ZSCAN5A: variants seen among roughly 807,000 people sequenced by gnomAD.
The protein encoded by ZSCAN5A is zinc finger and SCAN domain-containing protein 5A.
In ZSCAN5A, 12 loss-of-function variants were observed where a neutral mutation model predicts 23.7. The ratio of observed to expected loss-of-function variants is 0.51; its 90% CI spans 0.32 to 0.82. The LOEUF (loss-of-function observed/expected upper bound fraction) is 0.82, where lower values mean the gene tolerates loss of function less well. Ranked by LOEUF, ZSCAN5A falls within the 40% of genes least tolerant of loss-of-function variation. ZSCAN5A has a pLI of 0.03. For missense variants in ZSCAN5A, 597 were observed against 617.9 expected (o/e 0.97, Z 0.36); for synonymous variants, 257 against 239.9 (o/e 1.07, Z -0.66).
intron 2 of ZSCAN5A, among the ~76,000 whole-genome samples, chr19:56,285,441 T>A (rs531919702): frequency 6.6e-6 from 1 of 152,352 alleles, no homozygotes; most frequent in East Asian, 1.9e-4. Flanking sequence ...AAGTACTATG[T>A]GTTTTAGTGA....
rs370317948 is a variant in ZSCAN5A, at chr19:56,243,077, C to A, written c.-127-17904G>T. Among the ~76,000 whole-genome samples the A allele has an allele frequency of 1.8e-4, 28 of 152,212 alleles. No individual in the cohort carries two copies. In the East Asian group the frequency reaches 2.5e-3, roughly 14 times the overall value. On this transcript the variant is annotated intron_variant, in intron 2 of 5. Coordinates refer to ENST00000683990, the MANE Select transcript of ZSCAN5A (RefSeq NM_001322064.3). The stretch of plus-strand genomic sequence containing the variant: ...TACAGGCATGAGCCACCACACCTGG[C>A]CTCAAAAAATCTATCGTATTATTTC...
chr19:56,298,920 A>G (rs990548964), intron 2 of ZSCAN5A, among the ~76,000 whole-genome samples: 4 of 152,368 alleles, frequency 2.6e-5, no homozygotes, highest in East Asian at 1.9e-4. Flanking sequence ...CCTCATAAAT[A>G]TAGATGGAAA....
At chr19:56,259,721 C>T (rs1386611088) in intron 2 of ZSCAN5A, among the ~76,000 whole-genome samples, 1 of 152,240 alleles carries the variant, frequency 6.6e-6, no homozygotes, top group African/African-American at 2.4e-5. Context: ...CGCCTGTCAT[C>T]CCAGCACTTT....
rs566162679 is a variant in ZSCAN5A, at chr19:56,313,310, A to T, written c.-155T>A. ...TTTCACGTGGCTGGGGAGGCCTCAC[A>T]ATCATGGCAGAAGGTCAAAGGCACG... On this transcript the variant is annotated 5_prime_UTR_variant, in exon 2 of 6. Coordinates refer to ENST00000683990, the MANE Select transcript of ZSCAN5A (RefSeq NM_001322064.3). The T allele has an allele frequency of 2.9e-6, 1 of 342,568 alleles. No individual in the cohort carries two copies. Among genetic ancestry groups the T allele is most frequent in the African/African-American group, 2.2e-5 (1 of 45,230 alleles). 21.2% of individuals were successfully genotyped at this position (342,568 alleles called of 1,614,324 possible).
chr19:56,356,831 A>G lies in ZSCAN5A; in HGVS notation c.-358+6404T>C, dbSNP rs1485438004. Among the ~76,000 whole-genome samples the G allele has an allele frequency of 2.0e-5, 3 of 148,334 alleles. 1 individual carries two copies. The highest frequency in any genetic ancestry group is 3.0e-5 in the Non-Finnish European group (2 of 67,194). ...ATCAGGAAAGAAAATGTTGTCTTTT[A>G]TATATACTCCTTTACTGCTTCTCAG... On this transcript the variant is annotated intron_variant, in intron 2 of 6. Coordinates refer to the ZSCAN5A transcript ENST00000587340.
At chr19:56,342,960 T>G in intron 2 of ZSCAN5A, 1 of 962,906 alleles carries the variant, frequency 1.0e-6, no homozygotes, top group Admixed American at 1.7e-5. Flanking sequence ...TTCTTGCCCA[T>G]TTTCAAAAAT....
At chr19:56,360,898 T>C (rs2869165) in intron 2 of ZSCAN5A, among the ~76,000 whole-genome samples, 75,206 of 151,928 alleles carry the variant, frequency 0.5, 21,526 homozygotes, top group East Asian at 0.8. Flanking sequence ...TCAGAGTGAA[T>C]AAGCAACCTA....
At chr19:56,246,713 T>C (rs1303473393) in intron 2 of ZSCAN5A, 5 of 1,163,156 alleles carry the variant, frequency 4.3e-6, no homozygotes, top group East Asian at 2.3e-5. Flanking sequence ...CTGTTGTGTG[T>C]GGAATCCCTT....
In ZSCAN5A at chr19:56,253,056, C is replaced by A. The variant is rs188738254; in HGVS notation, c.-127-27883G>T. Among the ~76,000 whole-genome samples the A allele has an allele frequency of 1.6e-3, 239 of 152,308 alleles. 1 individual carries two copies. The highest frequency in any genetic ancestry group is 2.6e-3 in the Non-Finnish European group (177 of 68,016). ...AGTTGCCAGGACAGCTCCGTGATTG[C>A]AGGGCCGGCACTGAACCTGTGGACT... On this transcript the variant is annotated intron_variant, in intron 2 of 5. Coordinates refer to ENST00000683990, the MANE Select transcript of ZSCAN5A (RefSeq NM_001322064.3).
At chr19:56,335,212 CCTTTCTGAA>C (rs2041523715) in intron 2 of ZSCAN5A, among the ~76,000 whole-genome samples, 1 of 150,474 alleles carries the variant, frequency 6.6e-6, no homozygotes, top group African/African-American at 2.5e-5. Context: ...TTGAAGACTG[CCTTTCTGAA>C]ATAAGATAGG....
At chr19:56,251,026 T>G (rs2053085) in intron 2 of ZSCAN5A, among the ~76,000 whole-genome samples, 21,182 of 152,028 alleles carry the variant, frequency 0.14, 1,795 homozygotes, top group Admixed American at 0.2. Context: ...GGCATGCACC[T>G]GTAGTCCCAG....
chr19:56,304,289 A>G (rs1256990101), intron 2 of ZSCAN5A, among the ~76,000 whole-genome samples: 3 of 152,222 alleles, frequency 2.0e-5, no homozygotes, highest in African/African-American at 7.2e-5. Context: ...TGGAGAGACC[A>G]GGGAGATGAG....
At chr19:56,367,602 C>G (rs1401145137) in intron 1 of ZSCAN5A, among the ~76,000 whole-genome samples, 1 of 152,234 alleles carries the variant, frequency 6.6e-6, no homozygotes, top group Non-Finnish European at 1.5e-5. Flanking sequence ...AAATAATGCA[C>G]TGAAGCACAG....
intron 2 of ZSCAN5A, among the ~76,000 whole-genome samples, chr19:56,234,737 A>C (rs1220580885): frequency 6.6e-6 from 1 of 152,196 alleles, no homozygotes; most frequent in African/African-American, 2.4e-5. Context: ...TTGCTTGCTC[A>C]AATCAATCAC....
chr19:56,315,331 C>G (rs185384482), upstream of ZSCAN5A: 4 of 152,432 alleles, frequency 2.6e-5, no homozygotes, highest in Admixed American at 2.6e-4. Flanking sequence ...ATTCCCGAGC[C>G]TGGGTCACCC....
chr19:56,331,920 A>G (rs368837521), intron 2 of ZSCAN5A, among the ~76,000 whole-genome samples: 31 of 151,854 alleles, frequency 2.0e-4, no homozygotes, highest in African/African-American at 7.2e-4. Flanking sequence ...TTTCTCCCTT[A>G]ATTTCATTGT....
chr19:56,246,131 G>A (rs1469349798), intron 2 of ZSCAN5A, among the ~76,000 whole-genome samples: 1 of 152,208 alleles, frequency 6.6e-6, no homozygotes, highest in African/African-American at 2.4e-5. Flanking sequence ...GCAGATTAGG[G>A]AGAGACTCAG....
chr19:56,323,051 C>T (rs112535829), intron 2 of ZSCAN5A, among the ~76,000 whole-genome samples: 1,575 of 151,856 alleles, frequency 0.01, 30 homozygotes, highest in African/African-American at 0.035. Flanking sequence ...CCCGCCACCA[C>T]GCCCGGCTAA....
intron 2 of ZSCAN5A, among the ~76,000 whole-genome samples, chr19:56,268,903 G>T (rs565480820): frequency 6.6e-6 from 1 of 152,236 alleles, no homozygotes; most frequent in South Asian, 2.1e-4. Flanking sequence ...GTGTCTGGCT[G>T]CTTTTACTTT....
Sources: allele counts gnomAD v4.1 joint callset (sites outside exome capture counted in the v4.1 genomes callset), GRCh38; gene constraint gnomAD v4.1.1; transcripts MANE v1.5; gene names NCBI Gene and HGNC (gene_info 2026-07-23, HGNC 2026-07-21).